Variants in GDPGP1 observed in about 807,000 individuals in gnomAD.
GDPGP1 encodes the protein GDP-D-glucose phosphorylase 1, also known as GDP-D-glucose phosphorylase C15orf58.
Under a neutral mutation model 19.2 loss-of-function variants are expected in GDPGP1, and 18 were observed. That is an observed-to-expected ratio of 0.94 (90% CI 0.65 to 1.39). The LOEUF (loss-of-function observed/expected upper bound fraction) is 1.39. Ranked by LOEUF, GDPGP1 falls within the 40% of genes most tolerant of loss-of-function variation. The pLI is 0.00. For missense variants in GDPGP1, 449 were observed against 490.5 expected (o/e 0.92, Z 0.80); for synonymous variants, 219 against 208.9 (o/e 1.05, Z -0.42).
chr15:90,241,082 C>T lies in GDPGP1; in HGVS notation c.174C>T (p.Pro58=). 1 of 1,614,192 alleles carries T rather than the reference C, an allele frequency of 6.2e-7. No individual in the cohort carries two copies. Among genetic ancestry groups the T allele is most frequent in the Non-Finnish European group, 8.5e-7 (1 of 1,180,032 alleles). ...PGIPDALPQS[P]FDAALCSAWK... ...TCCCAGATGCTCTGCCACAATCTCCCTTTGATGCTGCACTCTGCTCTGCCT... is the reference window on the plus strand; with the variant it reads ...TCCCAGATGCTCTGCCACAATCTCCTTTTGATGCTGCACTCTGCTCTGCCT... The change falls in exon 4 of 4, where the codon CCC becomes CCT. Residue 58 remains proline, a synonymous_variant. Transcript: ENST00000329600.
rs898791173 is a variant in GDPGP1 at position 90,245,349 on chromosome 15, T to G, written c.*3283T>G. 8 of 151,986 alleles carry G rather than the reference T, an allele frequency of 5.3e-5. No homozygotes were observed. Among genetic ancestry groups the G allele is most frequent in the Admixed American group, 3.3e-4 (5 of 15,238 alleles). The allele number at this position is 151,986 out of a possible 1,614,324, so 9.4% of individuals were successfully genotyped here. ...AATTAGCTGGGTGTGGGTGCACATC[T>G]ATAGTCCCAGCTACTCAGGAGGCTG... On this transcript the variant is annotated 3_prime_UTR_variant, in exon 4 of 4. Coordinates refer to ENST00000329600, the MANE Select transcript of GDPGP1 (RefSeq NM_001013657.3).
intron 3 of GDPGP1, among the ~76,000 whole-genome samples, chr15:90,240,498 ACT>A (rs1962729403): frequency 6.6e-6 from 1 of 150,624 alleles, no homozygotes; most frequent in Non-Finnish European, 1.5e-5. Flanking sequence ...ACAGAGTGAG[ACT>A]CTGTCTCAAA....
rs1459619578 is a variant in GDPGP1 at position 90,234,220 on chromosome 15, G to C, written c.-214G>C. On this transcript the variant is annotated 5_prime_UTR_variant, in exon 1 of 4. Transcript: ENST00000329600. ...TGCGTGCTGGCTGCGTATGCGTCAC[G>C]GGCGTCATGACCTCGCTGTGGCCCC... 3.8e-6 allele frequency: 1 copy of C among 265,776 alleles called. No individual in the cohort carries two copies. The highest frequency in any genetic ancestry group is 2.2e-5 in the African/African-American group (1 of 44,944). 16.5% of individuals were successfully genotyped at this position (265,776 alleles called of 1,614,324 possible). A position where few individuals can be genotyped will look rare whatever the true frequency, so the allele number is the denominator to read the frequency against.
chr15:90,244,286 A>G lies in GDPGP1; in HGVS notation c.*2220A>G, dbSNP rs1428063985. 1.3e-5 allele frequency: 2 copies of G among 152,160 alleles called. No homozygotes were observed. Among genetic ancestry groups the G allele is most frequent in the Non-Finnish European group, 2.9e-5 (2 of 68,048 alleles). The allele number at this position is 152,160 out of a possible 1,614,324, so 9.4% of individuals were successfully genotyped here. ...GCCATCCCTCTTGGGGTCTTTCCCA[A>G]GCACTTTAGAAGCTCCTCTTGATGT... On this transcript the variant is annotated 3_prime_UTR_variant, in exon 4 of 4. Transcript: ENST00000329600.
rs372222964 is a variant in GDPGP1, at chr15:90,241,233, C to A, written c.325C>A (p.Pro109Thr). ...GGAGCGTGGTGTGCAGAGGAGGCCC[C>A]CGCAGACCATCAAGAGTGTGAGGCA... ...NVERGVQRRP[P>T]QTIKSVRQAF... Residue 109 changes from proline (P) to threonine (T), a missense_variant, in exon 4 of 4, where the codon CCG (proline) becomes ACG (threonine). Transcript: ENST00000329600. 1 of 1,614,158 alleles carries A rather than the reference C, an allele frequency of 6.2e-7. No homozygotes were observed. Among genetic ancestry groups the A allele is most frequent in the Admixed American group, 1.7e-5 (1 of 60,012 alleles).
intron 3 of GDPGP1, among the ~76,000 whole-genome samples, chr15:90,239,614 C>A (rs1962707671): frequency 6.6e-6 from 1 of 152,332 alleles, no homozygotes; most frequent in South Asian, 2.1e-4. Flanking sequence ...CCCCATGATT[C>A]ATTTACTTTC....
In GDPGP1 at chr15:90,244,517, C is replaced by G. The variant is rs948964100; in HGVS notation, c.*2451C>G. 6.6e-6 allele frequency: 1 copy of G among 152,090 alleles called. No individual in the cohort carries two copies. Among genetic ancestry groups the G allele is most frequent in the African/African-American group, 2.4e-5 (1 of 41,422 alleles). 9.4% of individuals were successfully genotyped at this position (152,090 alleles called of 1,614,324 possible). A position where few individuals can be genotyped will look rare whatever the true frequency, so the allele number is the denominator to read the frequency against. On this transcript the variant is annotated 3_prime_UTR_variant, in exon 4 of 4. Transcript: ENST00000329600. ...CCTTTTAGCTCCCTTGAATGTTATA[C>G]AGCAAAAGTAAAAGAAGTCTTGGGT... is the stretch of plus-strand genomic sequence containing the variant.
rs1962772232 is a variant in GDPGP1 at position 90,241,941 on chromosome 15, C to T, written c.1033C>T (p.Gln345Ter). Reference protein sequence around the residue: ...LAGHLPVKTSQDFSSLTEAAA... With the variant: ...LAGHLPVKTS Reference sequence around the variant, plus strand: ...TGGGCACCTCCCTGTCAAAACATCCCAGGACTTCAGCAGCCTGACAGAGGC... The same window carrying T: ...TGGGCACCTCCCTGTCAAAACATCCTAGGACTTCAGCAGCCTGACAGAGGC... Residue 345 changes from glutamine to a stop codon, truncating the protein, a stop_gained, in exon 4 of 4, where the codon CAG becomes TAG. Coordinates refer to ENST00000329600, the MANE Select transcript of GDPGP1 (RefSeq NM_001013657.3). LOFTEE classifies it high-confidence loss of function. The T allele has an allele frequency of 1.9e-6, 3 of 1,614,012 alleles. No individual in the cohort carries two copies. Among genetic ancestry groups the T allele is most frequent in the Non-Finnish European group, 1.7e-6 (2 of 1,180,026 alleles).
intron 3 of GDPGP1, among the ~76,000 whole-genome samples, chr15:90,239,235 C>A (rs1425306536): frequency 6.6e-6 from 1 of 150,946 alleles, no homozygotes; most frequent in African/African-American, 2.4e-5. Context: ...ATTGTTTCTC[C>A]ATTAAAAAAA....
intron 2 of GDPGP1, among the ~76,000 whole-genome samples, chr15:90,235,759 G>A (rs1224473760): frequency 2.6e-5 from 4 of 151,888 alleles, no homozygotes; most frequent in African/African-American, 9.7e-5. Flanking sequence ...TGGTAGAGAC[G>A]GGGTTTCACC....
chr15:90,236,681 G>A (rs1243356115), intron 2 of GDPGP1, among the ~76,000 whole-genome samples: 1 of 151,296 alleles, frequency 6.6e-6, no homozygotes, highest in Non-Finnish European at 1.5e-5. Context: ...TTACAGGAGT[G>A]CACCACCACG....
At position 90,241,629 on chromosome 15, in the gene GDPGP1, G is replaced by T; in HGVS notation, c.721G>T (p.Gly241Ter). 6.2e-7 allele frequency: 1 copy of T among 1,614,156 alleles called. No homozygotes were observed. Among genetic ancestry groups the T allele is most frequent in the Non-Finnish European group, 8.5e-7 (1 of 1,180,042 alleles). ...GGCGCCAAGCGAGCCCCTGGACCCT[G>T]GAGGCCATTTGCATCTGCTCCAGGA... ...EQAPSEPLDP[G>*]GHLHLLQDLP... The change falls in exon 4 of 4, where the codon GGA becomes TGA. Residue 241 changes from glycine (G) to a stop codon, truncating the protein, a stop_gained. Coordinates refer to ENST00000329600, the MANE Select transcript of GDPGP1 (RefSeq NM_001013657.3). LOFTEE classifies it high-confidence loss of function.
At position 90,241,325 on chromosome 15, in the gene GDPGP1, C is replaced by T. The variant is rs775218294; in HGVS notation, c.417C>T (p.His139=). Residue 139 remains histidine (H), a synonymous_variant, in exon 4 of 4, where the codon CAC becomes CAT. Transcript: ENST00000329600. ...IRPGEVLFRL[H]REPDLPGTLL... is the part of the protein sequence containing the mutation. ...CCGGAGAAGTCCTCTTCCGTTTGCACCGGGAGCCTGATCTCCCTGGGACTC... is the reference window on the plus strand; with the variant it reads ...CCGGAGAAGTCCTCTTCCGTTTGCATCGGGAGCCTGATCTCCCTGGGACTC... 6.2e-7 allele frequency: 1 copy of T among 1,614,256 alleles called. No individual in the cohort carries two copies.
Position 90,242,155 on chromosome 15 carries a change from C to A in GDPGP1, c.*89C>A. On this transcript the variant is annotated 3_prime_UTR_variant, in exon 4 of 4. Transcript: ENST00000329600. ...CAGGCTAGAGTGTAGTGGTATGATC[C>A]TGGCTCACTGTAGCCTCCACCTCTG... 1 of 1,107,354 alleles carries A rather than the reference C, an allele frequency of 9.0e-7. No individual in the cohort carries two copies. The highest frequency in any genetic ancestry group is 1.3e-6 in the Non-Finnish European group (1 of 790,146). 68.6% of individuals were successfully genotyped at this position (1,107,354 alleles called of 1,614,324 possible).
chr15:90,235,057 C>T (rs1962603482), intron 2 of GDPGP1, among the ~76,000 whole-genome samples: 2 of 152,078 alleles, frequency 1.3e-5, no homozygotes, highest in Admixed American at 6.6e-5. Flanking sequence ...AAACCCAAAT[C>T]CTGGCCCTCT....
rs1253669460 is a variant in GDPGP1, at chr15:90,238,552, A to G, written c.-10+4A>G. The G allele has an allele frequency of 6.6e-6, 1 of 152,170 alleles. No individual in the cohort carries two copies. The highest frequency in any genetic ancestry group is 2.4e-5 in the African/African-American group (1 of 41,422). 9.4% of individuals were successfully genotyped at this position (152,170 alleles called of 1,614,324 possible). ...GGACTGAAGTGACTCTACTAAGGTA[A>G]TGCCTCCTTTTGACATCCTATCTGG... On this transcript the variant is annotated splice_donor_region_variant and intron_variant, in intron 3 of 3. Coordinates refer to ENST00000329600, the MANE Select transcript of GDPGP1 (RefSeq NM_001013657.3).
At chr15:90,236,574 A>G (rs1962640622) in intron 2 of GDPGP1, among the ~76,000 whole-genome samples, 1 of 151,892 alleles carries the variant, frequency 6.6e-6, no homozygotes, top group African/African-American at 2.4e-5. Context: ...TCACTCTGTC[A>G]CCAGGCTGGA....
intron 2 of GDPGP1, among the ~76,000 whole-genome samples, chr15:90,235,263 C>T (rs1962608040): frequency 6.6e-6 from 1 of 152,130 alleles, no homozygotes; most frequent in African/African-American, 2.4e-5. Flanking sequence ...AGGTACATTC[C>T]ATCATTGTAG....
rs1036285201 is a variant in GDPGP1, at chr15:90,243,572, C to T, written c.*1506C>T. On this transcript the variant is annotated 3_prime_UTR_variant, in exon 4 of 4. Transcript: ENST00000329600. ...ATGTTGCCCGGGTTGCTGTCAAACTCCTGGCCTTAAGAAATCCTCCCACCT... is the reference window on the plus strand; with the variant it reads ...ATGTTGCCCGGGTTGCTGTCAAACTTCTGGCCTTAAGAAATCCTCCCACCT... The T allele has an allele frequency of 6.6e-6, 1 of 151,512 alleles. No homozygotes were observed. The highest frequency in any genetic ancestry group is 1.5e-5 in the Non-Finnish European group (1 of 68,110). The allele number at this position is 151,512 out of a possible 1,614,324, so 9.4% of individuals were successfully genotyped here. A position where few individuals can be genotyped will look rare whatever the true frequency, so the allele number is the denominator to read the frequency against.
Sources: allele counts gnomAD v4.1 joint callset (sites outside exome capture counted in the v4.1 genomes callset), GRCh38; gene constraint gnomAD v4.1.1; transcripts MANE v1.5; gene names NCBI Gene and HGNC (gene_info 2026-07-23, HGNC 2026-07-21).